Variants in RASGEF1C observed in about 807,000 individuals in gnomAD.
RASGEF1C encodes the protein ras-GEF domain-containing family member 1C.
In RASGEF1C, 27 loss-of-function variants were observed where a neutral mutation model predicts 58.1. That is an observed-to-expected ratio of 0.46 (90% CI 0.34 to 0.64). The LOEUF (loss-of-function observed/expected upper bound fraction) is 0.64, where lower values mean the gene tolerates loss of function less well. Among genes scored for constraint, RASGEF1C ranks in the 30% least tolerant of loss-of-function variants. The pLI is 0.01. For missense variants in RASGEF1C, 502 were observed against 605.1 expected, an observed-to-expected ratio of 0.83 and a Z score of 1.79; for synonymous variants, 243 against 246.3, an observed-to-expected ratio of 0.99 and a Z score of 0.13.
intron 1 of RASGEF1C, among the ~76,000 whole-genome samples, chr5:180,151,973 C>T (rs1209858470): frequency 1.3e-5 from 2 of 150,862 alleles, no homozygotes; most frequent in East Asian, 3.9e-4. Flanking sequence ...AAAAAATGCT[C>T]ATCATCACTG....
chr5:180,121,171 G>C, intron 6 of RASGEF1C, 22 bp from the exon 7 acceptor site: 1 of 1,547,260 alleles, frequency 6.5e-7, no homozygotes, highest in Non-Finnish European at 8.9e-7. Flanking sequence ...ACAGCACACG[G>C]GACCACGTTC....
Position 180,119,427 on chromosome 5 carries a change from C to G in RASGEF1C, c.826G>C (p.Ala276Pro). ...TCGATGAAGAACTCAATCACCTGGGCCCTCTGCTTCTTCTTGGCTGGCTGG... is the reference window on the plus strand; with the variant it reads ...TCGATGAAGAACTCAATCACCTGGGGCCTCTGCTTCTTCTTGGCTGGCTGG... ...ICMPAKKKQR[A>P]QVIEFFIDVA... Residue 276 changes from alanine to proline, a missense_variant, in exon 8 of 14, where the codon GCC (alanine) becomes CCC (proline). Transcript: ENST00000361132. The G allele has an allele frequency of 6.2e-7, 1 of 1,614,168 alleles. No individual in the cohort carries two copies. The highest frequency in any genetic ancestry group is 8.5e-7 in the Non-Finnish European group (1 of 1,179,984).
At chr5:180,136,685 AG>A (rs139921603) in intron 3 of RASGEF1C, 170 bp from the exon 4 acceptor site, 12 of 657,428 alleles carry the variant, frequency 1.8e-5, no homozygotes, top group Non-Finnish European at 3.0e-5. Flanking sequence ...CGGGGAGAGG[AG>A]GGGGGACGGA....
chr5:180,101,555 A>G lies in RASGEF1C; in HGVS notation c.1377-30T>C, dbSNP rs777329584. ...AGATTTAAGCATGTCGGGAGCGGTG[A>G]GAGCCTGGAGCTCCCCACCCCAGTT... On this transcript the variant is annotated intron_variant, in intron 13 of 13. Transcript: ENST00000361132. The G allele has an allele frequency of 5.0e-6, 8 of 1,609,824 alleles. No individual in the cohort carries two copies. The Admixed American group carries it at 1.3e-4, about 27-fold the overall frequency.
At chr5:180,171,138 C>G (rs961478355) in intron 1 of RASGEF1C, among the ~76,000 whole-genome samples, 5 of 152,146 alleles carry the variant, frequency 3.3e-5, no homozygotes, top group African/African-American at 1.2e-4. Flanking sequence ...GGAGTGGGAC[C>G]CCCGAGGGCT....
chr5:180,197,094 C>A lies in RASGEF1C; in HGVS notation c.-7+11934G>T, dbSNP rs1756293019. On this transcript the variant is annotated intron_variant, in intron 1 of 13. Transcript: ENST00000361132. The surrounding 1 kb of genome is among the most constrained non-coding windows in gnomAD (Gnocchi z 4.7). ...TGCTCTCACTGACAGGCGCCTGTGG[C>A]CAGCCTGCCTCTGATGAGCCTCCTT... Among the ~76,000 whole-genome samples the A allele has an allele frequency of 6.6e-6, 1 of 152,214 alleles. No individual in the cohort carries two copies. Among genetic ancestry groups the A allele is most frequent in the Non-Finnish European group, 1.5e-5 (1 of 68,038 alleles).
chr5:180,176,702 G>A lies in RASGEF1C; in HGVS notation c.-7+32326C>T, dbSNP rs533826682. On this transcript the variant is annotated intron_variant, in intron 1 of 13. Transcript: ENST00000361132. ...CTCCCGAGTAGCTGGGACTATAGGC[G>A]TCTGCCACCATGCCCGGCTAATTTT... Among the ~76,000 whole-genome samples the A allele has an allele frequency of 2.1e-4, 32 of 152,088 alleles. No homozygotes were observed. The East Asian group carries it at 2.1e-3, about 10-fold the overall frequency.
chr5:180,178,513 C>T (rs1172648570), intron 1 of RASGEF1C, among the ~76,000 whole-genome samples: 1 of 151,880 alleles, frequency 6.6e-6, no homozygotes, highest in Non-Finnish European at 1.5e-5. Context: ...CTCCTGACTT[C>T]AAGTGATCTG....
At position 180,100,806 on chromosome 5, in the gene RASGEF1C, G is replaced by C. The variant is rs903390555; in HGVS notation, c.*695C>G. 1 of 152,650 alleles carries C rather than the reference G, an allele frequency of 6.6e-6. No homozygotes were observed. Among genetic ancestry groups the C allele is most frequent in the African/African-American group, 2.4e-5 (1 of 41,458 alleles). The allele number at this position is 152,650 out of a possible 1,614,324, so 9.5% of individuals were successfully genotyped here. On this transcript the variant is annotated 3_prime_UTR_variant, in exon 14 of 14. Coordinates refer to ENST00000361132, the MANE Select transcript of RASGEF1C (RefSeq NM_175062.4). ...GGGGTGGACATGGATAGGCGTACGGGTGTGTTTATAGTGACTAGAGTTTAC... is the reference window on the plus strand; with the variant it reads ...GGGGTGGACATGGATAGGCGTACGGCTGTGTTTATAGTGACTAGAGTTTAC...
intron 1 of RASGEF1C, among the ~76,000 whole-genome samples, chr5:180,176,868 C>T (rs961305127): frequency 1.3e-5 from 2 of 152,154 alleles, no homozygotes; most frequent in African/African-American, 2.4e-5. Context: ...GGGGCTAATA[C>T]TTTTTTCCAG....
Position 180,205,809 on chromosome 5 carries a change from T to C in RASGEF1C, c.-7+3219A>G, listed in dbSNP as rs75071370. ...GGGGTACAATCTCAGCTCAGCTCAC[T>C]GCAAAATCTGCCTCCCAGGTTCAGG... On this transcript the variant is annotated intron_variant, in intron 1 of 13. Coordinates refer to ENST00000361132, the MANE Select transcript of RASGEF1C (RefSeq NM_175062.4). Among the ~76,000 whole-genome samples, 13 of 152,112 alleles carry C rather than the reference T, an allele frequency of 8.5e-5. No homozygotes were observed. In the East Asian group the frequency reaches 2.5e-3, roughly 29 times the overall value.
At chr5:180,159,275 G>A (rs112912594) in intron 1 of RASGEF1C, among the ~76,000 whole-genome samples, 3,351 of 151,936 alleles carry the variant, frequency 0.022, 133 homozygotes, top group African/African-American at 0.077. Flanking sequence ...GAGTAGCTGG[G>A]AGTACAGGCG....
intron 1 of RASGEF1C, among the ~76,000 whole-genome samples, chr5:180,173,737 A>G (rs1324349129): frequency 2.0e-5 from 3 of 151,768 alleles, no homozygotes; most frequent in Non-Finnish European, 2.9e-5. Context: ...ACATGGTGAA[A>G]CCCCGTCTCT....
chr5:180,128,646 A>G, intron 4 of RASGEF1C, 36 bp from the exon 5 acceptor site: 1 of 1,596,300 alleles, frequency 6.3e-7, no homozygotes, highest in Non-Finnish European at 8.6e-7. Flanking sequence ...AGGACTGAAC[A>G]CTCATCTCTG....
intron 10 of RASGEF1C, among the ~76,000 whole-genome samples, chr5:180,116,886 G>C (rs911460443): frequency 9.2e-5 from 14 of 152,276 alleles, no homozygotes; most frequent in African/African-American, 3.4e-4. Context: ...GAGCCAGACA[G>C]GCTGGAGTGT....
intron 1 of RASGEF1C, among the ~76,000 whole-genome samples, chr5:180,179,404 T>G (rs1415997099): frequency 2.0e-5 from 3 of 152,110 alleles, no homozygotes; most frequent in African/African-American, 7.2e-5. Flanking sequence ...GAAGGGCCGA[T>G]GGATGGGCCA....
At chr5:180,173,192 G>A (rs1406559128) in intron 1 of RASGEF1C, among the ~76,000 whole-genome samples, 1 of 152,272 alleles carries the variant, frequency 6.6e-6, no homozygotes, top group East Asian at 1.9e-4. Flanking sequence ...AGGAGAATCA[G>A]TGCGTCTGCT....
rs763312688 is a variant in RASGEF1C, at chr5:180,138,000, G to A, written c.53C>T (p.Pro18Leu). 3.2e-6 allele frequency: 5 copies of A among 1,575,428 alleles called. No homozygotes were observed. In the Admixed American group the frequency reaches 8.1e-5, roughly 26 times the overall value. The change falls in exon 2 of 14, where the codon CCA becomes CTA. Residue 18 changes from proline to leucine, a missense_variant. Pro to Leu is a moderately conservative substitution (Grantham distance 98, BLOSUM62 -3). Coordinates refer to ENST00000361132, the MANE Select transcript of RASGEF1C (RefSeq NM_175062.4). This position sits in a 1 kb window ranked among gnomAD's most constrained non-coding sequence, Gnocchi z 4.1. ...GCCATCTGTGGGCTCGGTGGGGGGTGGGCTGAGGCTGCCTGGGGTGACCAT... is the reference window on the plus strand; with the variant it reads ...GCCATCTGTGGGCTCGGTGGGGGGTAGGCTGAGGCTGCCTGGGGTGACCAT... ...SDMVTPGSLS[P>L]PPTEPTDGEQ...
At chr5:180,188,573 C>A (rs114345231) in intron 1 of RASGEF1C, among the ~76,000 whole-genome samples, 3 of 152,176 alleles carry the variant, frequency 2.0e-5, no homozygotes, top group African/African-American at 7.2e-5. Flanking sequence ...TAAAAGGCAT[C>A]GGTGAGAAAC....
Sources: gnomAD v4.1 joint callset for allele counts (sites outside exome capture counted in the v4.1 genomes callset) on GRCh38, gnomAD v4.1.1 for gene constraint, Gnocchi (gnomAD v3.1) non-coding constraint, MANE v1.5 for transcripts, NCBI Gene and HGNC (gene_info 2026-07-23, HGNC 2026-07-21) for gene names.